WDR7: variants seen among roughly 807,000 people sequenced by gnomAD.
The protein encoded by WDR7 is WD repeat domain 7, also known as WD repeat-containing protein 7.
In WDR7, 46 loss-of-function variants were observed where a neutral mutation model predicts 169.4. The ratio of observed to expected loss-of-function variants is 0.27; its 90% confidence interval spans 0.21 to 0.35. The LOEUF (loss-of-function observed/expected upper bound fraction) is 0.35. WDR7 is among the 10% of genes least tolerant of loss of function. WDR7 has a pLI of 1.00. For synonymous variants in WDR7, 612 were observed against 666.8 expected, an observed-to-expected ratio of 0.92 and a Z score of 1.27; for missense variants, 1,534 against 1,859.3, an observed-to-expected ratio of 0.83 and a Z score of 3.22.
intron 12 of WDR7, among the ~76,000 whole-genome samples, chr18:56,717,134 C>T (rs2026211567): frequency 6.6e-6 from 1 of 152,076 alleles, no homozygotes; most frequent in Non-Finnish European, 1.5e-5. Context: ...TATGTGGTTT[C>T]CCTCAGTATG....
chr18:56,938,105 CA>C (rs2046983704), intron 23 of WDR7, among the ~76,000 whole-genome samples: 1 of 152,066 alleles, frequency 6.6e-6, no homozygotes, highest in Non-Finnish European at 1.5e-5. Context: ...GGCTCAGAGG[CA>C]GAAGAAAATC....
rs193231997 is a variant in WDR7 at position 56,944,049 on chromosome 18, C to T, written c.4064+4656C>T. ...CCCTTGCCAGGCTGGAGTGCAGTGG[C>T]GCAATCTCGGCTCACTGCAACCTCT... On this transcript the variant is annotated intron_variant, in intron 25 of 27. Coordinates refer to ENST00000254442, the MANE Select transcript of WDR7 (RefSeq NM_015285.3). Among the ~76,000 whole-genome samples, 47 of 126,210 alleles carry T rather than the reference C, an allele frequency of 3.7e-4. 1 individual carries two copies. The highest frequency in any genetic ancestry group is 1.4e-3 in the African/African-American group (44 of 31,114). The allele number at this position is 126,210 out of a possible 152,430, so 82.8% of individuals were successfully genotyped here.
At chr18:56,716,544 G>T (rs1019545755) in intron 12 of WDR7, among the ~76,000 whole-genome samples, 10 of 152,218 alleles carry the variant, frequency 6.6e-5, no homozygotes, top group Admixed American at 2.6e-4. Context: ...TAAACATTAT[G>T]CTAGTAAGAT....
rs1325205031 is a variant in WDR7 at position 56,682,624 on chromosome 18, A to G, written c.346-55A>G. On this transcript the variant is annotated intron_variant, in intron 4 of 27. Coordinates refer to ENST00000254442, the MANE Select transcript of WDR7 (RefSeq NM_015285.3). ...CTTGATGAATGCATATTAATCAAGT[A>G]TCTAAATTAAAGGAGAACACTCAGA... The G allele has an allele frequency of 3.9e-6, 6 of 1,553,318 alleles. No individual in the cohort carries two copies. In the East Asian group the frequency reaches 6.7e-5, roughly 17 times the overall value.
chr18:56,688,514 C>T (rs929606146), intron 7 of WDR7, among the ~76,000 whole-genome samples: 4 of 148,660 alleles, frequency 2.7e-5, no homozygotes, highest in Admixed American at 1.4e-4. Context: ...GTCAGGAGTT[C>T]GAGACCAGCC....
chr18:56,938,063 G>A (rs1257987071), intron 23 of WDR7, among the ~76,000 whole-genome samples: 4 of 152,282 alleles, frequency 2.6e-5, no homozygotes, highest in Middle Eastern at 6.8e-3. Context: ...CTGAGGGGGA[G>A]GAAGTGGAGG....
chr18:56,903,922 A>T (rs999131394), intron 21 of WDR7, among the ~76,000 whole-genome samples: 1 of 152,158 alleles, frequency 6.6e-6, no homozygotes, highest in Admixed American at 6.6e-5. Context: ...GCTAAATTAC[A>T]ATGTGCTATT....
intron 12 of WDR7, among the ~76,000 whole-genome samples, chr18:56,697,844 ATAGAATAT>A (rs1484831492): frequency 2.6e-5 from 4 of 152,324 alleles, no homozygotes; most frequent in Admixed American, 6.5e-5. Flanking sequence ...ATTTAAAATA[ATAGAATAT>A]TAGATAGAAT....
rs1163469620 is a variant in WDR7 at position 56,736,745 on chromosome 18, TAAG to T, written c.1989+5152_1989+5154del. Among the ~76,000 whole-genome samples, 4 of 151,984 alleles carry T rather than the reference TAAG, an allele frequency of 2.6e-5. No homozygotes were observed. The East Asian group carries it at 7.7e-4, about 29-fold the overall frequency. ...AAATCAGGGTACAGTGAGCTGAGTATAAGAAGTGGAGGTAAAGAGTGTGGAAGA... is the reference window on the plus strand; with the variant it reads ...AAATCAGGGTACAGTGAGCTGAGTATAAGTGGAGGTAAAGAGTGTGGAAGA... On this transcript the variant is annotated intron_variant, in intron 14 of 27. Transcript: ENST00000254442.
intron 1 of WDR7, among the ~76,000 whole-genome samples, chr18:56,661,878 G>GCA (rs138471799): frequency 3.8e-4 from 57 of 151,564 alleles, no homozygotes; most frequent in South Asian, 1.0e-3. Context: ...AAATGCACAA[G>GCA]CACACACACA....
chr18:56,799,764 G>A (rs1259284451), intron 19 of WDR7, among the ~76,000 whole-genome samples: 1 of 152,146 alleles, frequency 6.6e-6, no homozygotes, highest in African/African-American at 2.4e-5. Flanking sequence ...ACTGAAATCA[G>A]TGGTTGCAAA....
In WDR7 at chr18:56,931,086, A is replaced by G. The variant is rs7238462; in HGVS notation, c.3714-4702A>G. Among the ~76,000 whole-genome samples, 1,505 of 152,174 alleles carry G rather than the reference A, an allele frequency of 9.9e-3. 28 individuals are homozygous for G. Among genetic ancestry groups the G allele is most frequent in the African/African-American group, 0.035 (1,445 of 41,512 alleles). ...CTGATATTTCATATTGGGTGTGTAC[A>G]CTGAAATGCTGAGTAAAGCAGAGAG... On this transcript the variant is annotated intron_variant, in intron 22 of 27. Transcript: ENST00000254442.
chr18:56,740,003 C>T (rs957968070), intron 14 of WDR7, among the ~76,000 whole-genome samples: 1 of 151,740 alleles, frequency 6.6e-6, no homozygotes, highest in African/African-American at 2.4e-5. Context: ...ATTTTCTTAC[C>T]TCTCTTTCAG....
rs2044287642 is a variant in WDR7 at position 56,779,505 on chromosome 18, C to T, written c.3022C>T (p.Leu1008Phe). 1.2e-6 allele frequency: 2 copies of T among 1,613,984 alleles called. No individual in the cohort carries two copies. Among genetic ancestry groups the T allele is most frequent in the Non-Finnish European group, 1.7e-6 (2 of 1,179,902 alleles). Residue 1008 changes from leucine (L) to phenylalanine (F), a missense_variant, in exon 18 of 28, where the codon CTT becomes TTT. Leu to Phe is a conservative substitution (Grantham distance 22). Coordinates refer to ENST00000254442, the MANE Select transcript of WDR7 (RefSeq NM_015285.3). ...LLGLDKFRPP[L>F]LEMLARRWQD... ...GGGATTGGATAAATTTAGGCCTCCC[C>T]TTCTGGAGATGCTGGCCCGAAGATG...
chr18:56,666,592 A>G (rs1424065720), intron 1 of WDR7, among the ~76,000 whole-genome samples: 1 of 152,232 alleles, frequency 6.6e-6, no homozygotes, highest in Admixed American at 6.5e-5. Flanking sequence ...TTTTATCTGT[A>G]AACACTGCAG....
Position 57,027,357 on chromosome 18 carries a change from C to A in WDR7, c.*150C>A. The A allele has an allele frequency of 1.0e-6, 1 of 964,260 alleles. No individual in the cohort carries two copies. Among genetic ancestry groups the A allele is most frequent in the Non-Finnish European group, 1.5e-6 (1 of 661,030 alleles). 59.7% of individuals were successfully genotyped at this position (964,260 alleles called of 1,614,324 possible). A position where few individuals can be genotyped will look rare whatever the true frequency, so the allele number is the denominator to read the frequency against. On this transcript the variant is annotated 3_prime_UTR_variant, in exon 28 of 28. Coordinates refer to ENST00000254442, the MANE Select transcript of WDR7 (RefSeq NM_015285.3). ...GGCCGGGTCTTGTCACTTGTGCATGCTTCTCAGGGGCAGAACCCGCTCGTG... is the reference window on the plus strand; with the variant it reads ...GGCCGGGTCTTGTCACTTGTGCATGATTCTCAGGGGCAGAACCCGCTCGTG...
chr18:56,769,639 C>T (rs2044122162), intron 16 of WDR7, among the ~76,000 whole-genome samples: 1 of 152,068 alleles, frequency 6.6e-6, no homozygotes, highest in South Asian at 2.1e-4. Context: ...TGGGAGGTGC[C>T]CAAGCAAGTT....
At chr18:56,726,649 TCTC>T (rs1241125256) in intron 13 of WDR7, among the ~76,000 whole-genome samples, 1 of 152,118 alleles carries the variant, frequency 6.6e-6, no homozygotes, top group African/African-American at 2.4e-5. Context: ...TTTATTTCTT[TCTC>T]CTGCTTGATG....
At chr18:56,665,247 T>G (rs1264048335) in intron 1 of WDR7, among the ~76,000 whole-genome samples, 2 of 150,842 alleles carry the variant, frequency 1.3e-5, no homozygotes, top group South Asian at 4.2e-4. Context: ...GAGCCGAGAT[T>G]GCACCACTGC....
Sources: gnomAD v4.1 joint callset for allele counts (sites outside exome capture counted in the v4.1 genomes callset) on GRCh38, gnomAD v4.1.1 for gene constraint, MANE v1.5 for transcripts, NCBI Gene and HGNC (gene_info 2026-07-23, HGNC 2026-07-21) for gene names.